Variants in KCNN3 observed in about 807,000 individuals in gnomAD.
The protein encoded by KCNN3 is small conductance calcium-activated potassium channel protein 3.
Under a neutral mutation model 62.9 loss-of-function variants are expected in KCNN3, and 16 were observed. The observed-to-expected ratio is 0.25, with a 90% CI of 0.17 to 0.39. KCNN3 has a LOEUF of 0.39. Among genes scored for constraint, KCNN3 ranks in the 10% least tolerant of loss-of-function variants. The pLI is 1.00. For missense variants in KCNN3, 599 were observed against 949.4 expected, an observed-to-expected ratio of 0.63 and a Z score of 4.85; for synonymous variants, 370 against 389.2, an observed-to-expected ratio of 0.95 and a Z score of 0.58.
chr1:154,763,445 T>C (rs1191658251), intron 3 of KCNN3, among the ~76,000 whole-genome samples: 1 of 152,144 alleles, frequency 6.6e-6, no homozygotes, highest in African/African-American at 2.4e-5. Context: ...GGCACAATCA[T>C]AGTCCACTAC....
intron 7 of KCNN3, among the ~76,000 whole-genome samples, chr1:154,709,725 A>G (rs879484741): frequency 1.3e-5 from 2 of 152,208 alleles, no homozygotes; most frequent in Admixed American, 1.3e-4. Flanking sequence ...CCCTTGGAGG[A>G]CAGGGTGACT....
chr1:154,776,881 G>A (rs1648813413), intron 2 of KCNN3, among the ~76,000 whole-genome samples: 1 of 152,172 alleles, frequency 6.6e-6, no homozygotes, highest in Non-Finnish European at 1.5e-5. Flanking sequence ...GTGGAGCCCT[G>A]GCACGGGTGT....
intron 3 of KCNN3, among the ~76,000 whole-genome samples, chr1:154,760,094 C>T (rs1486231456): frequency 6.6e-6 from 1 of 151,884 alleles, no homozygotes; most frequent in Admixed American, 6.6e-5. Context: ...CTCACTGCAA[C>T]CTCCGCCTCT....
At chr1:154,710,792 G>A (rs1266677000) in intron 7 of KCNN3, among the ~76,000 whole-genome samples, 1 of 152,190 alleles carries the variant, frequency 6.6e-6, no homozygotes, top group African/African-American at 2.4e-5. Flanking sequence ...ACCACAATGA[G>A]ATACCATCTC....
chr1:154,732,535 C>G (rs572419045), intron 4 of KCNN3, among the ~76,000 whole-genome samples: 1 of 152,160 alleles, frequency 6.6e-6, no homozygotes, highest in African/African-American at 2.4e-5. Context: ...TCCCAAAGGC[C>G]GACTCAGTGC....
intron 5 of KCNN3, among the ~76,000 whole-genome samples, chr1:154,719,635 C>T (rs1700304097): frequency 6.6e-6 from 1 of 152,188 alleles, no homozygotes; most frequent in African/African-American, 2.4e-5. Flanking sequence ...GATCAGATCA[C>T]TATCGGAGAA....
At position 154,703,607 on chromosome 1, in the gene KCNN3, G is replaced by A. The variant is rs1015012170; in HGVS notation, c.*4369C>T. 1.3e-5 allele frequency: 2 copies of A among 152,234 alleles called. No homozygotes were observed. The highest frequency in any genetic ancestry group is 4.8e-5 in the African/African-American group (2 of 41,454). The allele number at this position is 152,234 out of a possible 1,614,324, so 9.4% of individuals were successfully genotyped here. ...TCTCAGTTGTGGTACTGTGATGGGA[G>A]CAACACCGTTTGTCCTGGGATGAAA... On this transcript the variant is annotated 3_prime_UTR_variant, in exon 8 of 8. Coordinates refer to ENST00000271915, the MANE Select transcript of KCNN3 (RefSeq NM_002249.6).
chr1:154,865,151 G>A (rs945512105), intron 1 of KCNN3, among the ~76,000 whole-genome samples: 1 of 152,024 alleles, frequency 6.6e-6, no homozygotes, highest in Non-Finnish European at 1.5e-5. Context: ...AGAGCATACA[G>A]GTAATTTAAT....
chr1:154,751,837 C>T (rs998932622), intron 3 of KCNN3, among the ~76,000 whole-genome samples: 7 of 152,212 alleles, frequency 4.6e-5, no homozygotes, highest in Admixed American at 3.9e-4. Context: ...TAAAACCCAC[C>T]TCTGACTCTT....
chr1:154,769,199 T>C (rs1336039577), intron 3 of KCNN3, among the ~76,000 whole-genome samples: 2 of 152,104 alleles, frequency 1.3e-5, no homozygotes, highest in Non-Finnish European at 2.9e-5. Flanking sequence ...GCAAGGTACC[T>C]CTCTCATAGA....
chr1:154,830,519 G>T (rs1651338483), intron 1 of KCNN3, among the ~76,000 whole-genome samples: 1 of 152,212 alleles, frequency 6.6e-6, no homozygotes, highest in Non-Finnish European at 1.5e-5. Flanking sequence ...CAGGGCTTGG[G>T]GTCTTCACCG....
At chr1:154,771,132 G>T (rs1381333692) in intron 3 of KCNN3, among the ~76,000 whole-genome samples, 1 of 151,996 alleles carries the variant, frequency 6.6e-6, no homozygotes, top group Non-Finnish European at 1.5e-5. Flanking sequence ...AGGACCCCTT[G>T]CAAGGAGAAG....
chr1:154,725,134 G>A (rs1244425778), intron 5 of KCNN3, among the ~76,000 whole-genome samples: 4 of 152,186 alleles, frequency 2.6e-5, no homozygotes, highest in Non-Finnish European at 5.9e-5. Context: ...GATTACAGGC[G>A]TGAGCCGCCG....
At chr1:154,741,256 T>C (rs1387277178) in intron 3 of KCNN3, among the ~76,000 whole-genome samples, 1 of 152,218 alleles carries the variant, frequency 6.6e-6, no homozygotes, top group South Asian at 2.1e-4. Context: ...ATAAATTATA[T>C]GTGGAAGTGG....
intron 4 of KCNN3, among the ~76,000 whole-genome samples, chr1:154,729,682 C>T (rs933547474): frequency 1.3e-5 from 2 of 152,210 alleles, no homozygotes; most frequent in Non-Finnish European, 2.9e-5. Context: ...GATTCTGTTT[C>T]TGCAACAGAT....
intron 1 of KCNN3, among the ~76,000 whole-genome samples, chr1:154,858,096 G>T (rs938007526): frequency 1.3e-5 from 2 of 152,108 alleles, no homozygotes; most frequent in African/African-American, 4.8e-5. Context: ...GGCACATAGT[G>T]TGCACCCCGT....
intron 7 of KCNN3, among the ~76,000 whole-genome samples, chr1:154,708,539 T>A (rs915002726): frequency 5.9e-5 from 9 of 152,086 alleles, no homozygotes; most frequent in Non-Finnish European, 2.9e-5. Flanking sequence ...GGCCCTTTTT[T>A]TTTTCTTAAA....
At chr1:154,858,566 C>T (rs537033816) in intron 1 of KCNN3, among the ~76,000 whole-genome samples, 1 of 152,222 alleles carries the variant, frequency 6.6e-6, no homozygotes, top group Non-Finnish European at 1.5e-5. Context: ...AGATTCTCTG[C>T]ACTCCTGCCG....
intron 7 of KCNN3, among the ~76,000 whole-genome samples, chr1:154,712,751 T>G (rs1700105628): frequency 1.3e-5 from 2 of 152,186 alleles, no homozygotes; most frequent in Admixed American, 1.3e-4. Context: ...GCACCGACTC[T>G]CAGCTCTGCC....
Sources: gnomAD v4.1 joint callset for allele counts (sites outside exome capture counted in the v4.1 genomes callset) on GRCh38, gnomAD v4.1.1 for gene constraint, MANE v1.5 for transcripts, NCBI Gene and HGNC (gene_info 2026-07-23, HGNC 2026-07-21) for gene names.